SMYD1: variants seen among roughly 807,000 people sequenced by gnomAD.
The protein encoded by SMYD1 is SET and MYND domain containing 1, also known as histone-lysine N-methyltransferase SMYD1.
A neutral mutation model predicts 54.0 loss-of-function variants in SMYD1; 49 were observed. The observed-to-expected ratio is 0.91, with a 90% CI of 0.72 to 1.15. The LOEUF is 1.15. Ranked by LOEUF, SMYD1 falls within the 50% of genes most tolerant of loss-of-function variation. The pLI is 0.00. For missense variants in SMYD1, 653 were observed against 639.6 expected (o/e 1.02, Z -0.23); for synonymous variants, 269 against 234.2 (o/e 1.15, Z -1.36).
intron 4 of SMYD1, among the ~76,000 whole-genome samples, chr2:88,093,098 T>G (rs1573113421): frequency 6.6e-6 from 1 of 152,218 alleles, no homozygotes; most frequent in Non-Finnish European, 1.5e-5. Context: ...CCAGACTCCA[T>G]GTGCACTTCA....
rs1675003097 is a variant in SMYD1 at position 88,110,744 on chromosome 2, A to G, written c.*232A>G. 1 of 487,236 alleles carries G rather than the reference A, an allele frequency of 2.1e-6. No individual in the cohort carries two copies. Among genetic ancestry groups the G allele is most frequent in the Non-Finnish European group, 3.5e-6 (1 of 284,998 alleles). The allele number at this position is 487,236 out of a possible 1,614,324, so 30.2% of individuals were successfully genotyped here. A position where few individuals can be genotyped will look rare whatever the true frequency, so the allele number is the denominator to read the frequency against. On this transcript the variant is annotated 3_prime_UTR_variant, in exon 10 of 10. Coordinates refer to ENST00000419482, the MANE Select transcript of SMYD1 (RefSeq NM_198274.4). The stretch of plus-strand genomic sequence containing the variant: ...CAACTCCTCCTACAAATATTATTGG[A>G]TGATAGGCCCTAGAACCCAATAAAG...
rs973948281 is a variant in SMYD1 at position 88,100,401 on chromosome 2, C to G, written c.889-2657C>G. 9.2e-5 allele frequency among the ~76,000 whole-genome samples: 14 copies of G among 152,260 alleles called. No individual in the cohort carries two copies. The South Asian group carries it at 2.7e-3, about 29-fold the overall frequency. ...CTTAACCAGTTAGTATTCTCTTAAT[C>G]TATCCTACAAGCTTCTGATTACTCC... On this transcript the variant is annotated intron_variant, in intron 6 of 9. Coordinates refer to ENST00000419482, the MANE Select transcript of SMYD1 (RefSeq NM_198274.4).
At position 88,074,824 on chromosome 2, in the gene SMYD1, CT is replaced by C. The variant is rs1236340887; in HGVS notation, c.137+6830del. On this transcript the variant is annotated intron_variant, in intron 1 of 9. Coordinates refer to ENST00000419482, the MANE Select transcript of SMYD1 (RefSeq NM_198274.4). ...TGTAAATAAATTACTGTCAACCAGG[CT>C]TTTTTTGAAAATGGAACCAGTTATG... Among the ~76,000 whole-genome samples, 7 of 152,050 alleles carry C rather than the reference CT, an allele frequency of 4.6e-5. 1 individual carries two copies. The highest frequency in any genetic ancestry group is 2.1e-4 in the South Asian group (1 of 4,820).
rs1164051180 is a variant in SMYD1, at chr2:88,084,798, G to A, written c.314+306G>A. Among the ~76,000 whole-genome samples the A allele has an allele frequency of 3.9e-5, 6 of 152,096 alleles. No individual in the cohort carries two copies. In the East Asian group the frequency reaches 1.2e-3, roughly 29 times the overall value. ...CAGGGTCTGCTCTGTTGCCCAGGTT[G>A]GAGTGGAGGGGCCCTGATCACAGCT... On this transcript the variant is annotated intron_variant, in intron 2 of 9. Coordinates refer to ENST00000419482, the MANE Select transcript of SMYD1 (RefSeq NM_198274.4).
In SMYD1 at chr2:88,110,662, C is replaced by G; in HGVS notation, c.*150C>G. 9.8e-7 allele frequency: 1 copy of G among 1,023,506 alleles called. No homozygotes were observed. The highest frequency in any genetic ancestry group is 2.9e-5 in the East Asian group (1 of 34,996). The allele number at this position is 1,023,506 out of a possible 1,614,324, so 63.4% of individuals were successfully genotyped here. A position where few individuals can be genotyped will look rare whatever the true frequency, so the allele number is the denominator to read the frequency against. ...ATTTACTGCCCTATGTTTCCCAGAGCCATTTTGGCTCAATTCAAGTCTATT... is the reference window on the plus strand; with the variant it reads ...ATTTACTGCCCTATGTTTCCCAGAGGCATTTTGGCTCAATTCAAGTCTATT... On this transcript the variant is annotated 3_prime_UTR_variant, in exon 10 of 10. Coordinates refer to ENST00000419482, the MANE Select transcript of SMYD1 (RefSeq NM_198274.4).
chr2:88,076,371 C>A (rs926227985), intron 1 of SMYD1, among the ~76,000 whole-genome samples: 2 of 152,158 alleles, frequency 1.3e-5, no homozygotes, highest in Admixed American at 1.3e-4. Context: ...CCCGCCACCA[C>A]GCCCAGCTAA....
intron 9 of SMYD1, among the ~76,000 whole-genome samples, chr2:88,109,487 A>G (rs1383154657): frequency 1.3e-5 from 2 of 152,158 alleles, no homozygotes; most frequent in African/African-American, 4.8e-5. Context: ...TCATGAGTCA[A>G]TGTGTGAAAT....
chr2:88,087,189 T>C (rs1674349331), intron 2 of SMYD1, among the ~76,000 whole-genome samples: 1 of 151,938 alleles, frequency 6.6e-6, no homozygotes, highest in African/African-American at 2.4e-5. Context: ...AGGGACTATT[T>C]TCCCTATTTT....
chr2:88,105,216 T>C (rs116419406), intron 7 of SMYD1, among the ~76,000 whole-genome samples: 4,920 of 152,260 alleles, frequency 0.032, 278 homozygotes, highest in African/African-American at 0.11. Context: ...TTTCAGTGCT[T>C]GATCCATTGC....
intron 2 of SMYD1, among the ~76,000 whole-genome samples, chr2:88,084,842 C>T (rs989406353): frequency 1.3e-5 from 2 of 152,092 alleles, no homozygotes; most frequent in African/African-American, 2.4e-5. Flanking sequence ...CCTTGACCTC[C>T]CAGGCTCAAG....
chr2:88,100,762 G>C (rs1021804969), intron 6 of SMYD1, among the ~76,000 whole-genome samples: 1 of 152,184 alleles, frequency 6.6e-6, no homozygotes, highest in Non-Finnish European at 1.5e-5. Flanking sequence ...GCAGGCAGGA[G>C]GGCAGCCAAA....
At chr2:88,080,080 A>T (rs1674155132) in intron 1 of SMYD1, among the ~76,000 whole-genome samples, 1 of 152,218 alleles carries the variant, frequency 6.6e-6, no homozygotes, top group Non-Finnish European at 1.5e-5. Context: ...ACTCAACTAC[A>T]TGTGTTCATT....
At chr2:88,073,642 T>C (rs1364054496) in intron 1 of SMYD1, among the ~76,000 whole-genome samples, 2 of 152,320 alleles carry the variant, frequency 1.3e-5, no homozygotes, top group East Asian at 3.9e-4. Flanking sequence ...AATACGTTTT[T>C]AAGGCTTTTG....
At chr2:88,078,723 C>A (rs1674124055) in intron 1 of SMYD1, among the ~76,000 whole-genome samples, 1 of 152,098 alleles carries the variant, frequency 6.6e-6, no homozygotes, top group Admixed American at 6.5e-5. Flanking sequence ...TAAATCAGAA[C>A]CTGAGTTTTA....
chr2:88,082,563 T>C (rs927634287), intron 1 of SMYD1: 4 of 154,372 alleles, frequency 2.6e-5, no homozygotes, highest in African/African-American at 9.6e-5. Flanking sequence ...GCCTGGCCTT[T>C]GGGCTGGTCC....
At chr2:88,093,047 T>C (rs1190606126) in intron 4 of SMYD1, among the ~76,000 whole-genome samples, 1 of 152,214 alleles carries the variant, frequency 6.6e-6, no homozygotes, top group African/African-American at 2.4e-5. Flanking sequence ...GGGGCCCAAT[T>C]TGAACCCCAA....
chr2:88,089,117 C>G (rs1674406458), intron 3 of SMYD1, among the ~76,000 whole-genome samples: 1 of 152,196 alleles, frequency 6.6e-6, no homozygotes, highest in Non-Finnish European at 1.5e-5. Flanking sequence ...GGTAGGCCAT[C>G]AGGCTGGAGA....
intron 5 of SMYD1, among the ~76,000 whole-genome samples, chr2:88,094,531 G>A (rs1227599384): frequency 6.6e-6 from 1 of 152,174 alleles, no homozygotes; most frequent in Non-Finnish European, 1.5e-5. Context: ...CCTGCCTCCT[G>A]CAGTGCTTAT....
intron 5 of SMYD1, 145 bp downstream of exon 5, chr2:88,093,700 G>A: frequency 1.1e-6 from 1 of 893,126 alleles, no homozygotes; most frequent in Non-Finnish European, 1.8e-6. Context: ...TCTTTTTAAT[G>A]CATTTAAATT....
Sources: allele counts gnomAD v4.1 joint callset (sites outside exome capture counted in the v4.1 genomes callset), GRCh38; gene constraint gnomAD v4.1.1; transcripts MANE v1.5; gene names NCBI Gene and HGNC (gene_info 2026-07-23, HGNC 2026-07-21).